Variants in DHX16 observed in about 807,000 individuals in gnomAD.
The protein encoded by DHX16 is DEAH-box helicase 16, also known as pre-mRNA-splicing factor ATP-dependent RNA helicase DHX16.
In DHX16, 81 loss-of-function variants were observed where a neutral mutation model predicts 131.2. The ratio of observed to expected loss-of-function variants is 0.62; its 90% CI spans 0.52 to 0.74. The LOEUF (loss-of-function observed/expected upper bound fraction) is 0.74, where lower values mean the gene tolerates loss of function less well. Among genes scored for constraint, DHX16 ranks in the 30% least tolerant of loss-of-function variants. The pLI, the probability that DHX16 is intolerant of heterozygous loss-of-function variation, is 0.00. For synonymous variants in DHX16, 440 were observed against 520.2 expected (o/e 0.85, Z 2.10); for missense variants, 980 against 1,363.1 (o/e 0.72, Z 4.43).
intron 12 of DHX16, among the ~76,000 whole-genome samples, chr6:30,659,193 A>G (rs1037185081): frequency 6.6e-5 from 10 of 152,058 alleles, no homozygotes; most frequent in East Asian, 1.9e-4. Context: ...GACCTCAGAC[A>G]TTTCTCTTAA....
At chr6:30,663,422 T>C (rs1354336536) in intron 7 of DHX16, among the ~76,000 whole-genome samples, 1 of 150,558 alleles carries the variant, frequency 6.6e-6, no homozygotes, top group Non-Finnish European at 1.5e-5. Context: ...GACAAAAAAA[T>C]TAAAAATTCA....
At position 30,672,851 on chromosome 6, in the gene DHX16, C is replaced by A; in HGVS notation, c.-10G>T. The A allele has an allele frequency of 6.2e-7, 1 of 1,612,064 alleles. No homozygotes were observed. The highest frequency in any genetic ancestry group is 1.1e-5 in the South Asian group (1 of 91,012). ...CCGCCGGCGTCGCCATGGCGACTCACGCTCCCTGCTCCCGGCCCTGAAGCG... is the reference window on the plus strand; with the variant it reads ...CCGCCGGCGTCGCCATGGCGACTCAAGCTCCCTGCTCCCGGCCCTGAAGCG... On this transcript the variant is annotated 5_prime_UTR_variant, in exon 1 of 20. Transcript: ENST00000376442.
At chr6:30,655,043 C>G in intron 18 of DHX16, 132 bp downstream of exon 18, 1 of 1,429,120 alleles carries the variant, frequency 7.0e-7, no homozygotes, top group Non-Finnish European at 9.6e-7. Flanking sequence ...AGAAAGGGCC[C>G]TGGGAGGACA....
At position 30,665,331 on chromosome 6, in the gene DHX16, C is replaced by A. The variant is rs1768937971; in HGVS notation, c.922-57G>T. 5 of 1,592,586 alleles carry A rather than the reference C, an allele frequency of 3.1e-6. No individual in the cohort carries two copies. In the Admixed American group the frequency reaches 6.7e-5, roughly 21 times the overall value. ...AAACAGGATGTCCTCTCTGCCCTCT[C>A]CCCTCTTCCCATTACTACCCCCGCC... On this transcript the variant is annotated intron_variant, in intron 5 of 19. Transcript: ENST00000376442. This position sits in a 1 kb window ranked among gnomAD's most constrained non-coding sequence, Gnocchi z 4.8.
At chr6:30,668,389 G>A (rs1239494092) in intron 4 of DHX16, among the ~76,000 whole-genome samples, 2 of 152,116 alleles carry the variant, frequency 1.3e-5, no homozygotes, top group Non-Finnish European at 2.9e-5. Context: ...AGTGGCTCAC[G>A]CCTGTAATCT....
At chr6:30,667,543 T>G (rs1769158501) in intron 4 of DHX16, among the ~76,000 whole-genome samples, 1 of 149,610 alleles carries the variant, frequency 6.7e-6, no homozygotes, top group Non-Finnish European at 1.5e-5. Context: ...GATCGCACCG[T>G]TGCACTCCAG....
chr6:30,663,645 T>A (rs1211155285), intron 7 of DHX16, among the ~76,000 whole-genome samples: 6 of 141,762 alleles, frequency 4.2e-5, no homozygotes, highest in African/African-American at 1.1e-4. Context: ...CGCTTGAACC[T>A]GGGAGACAGA....
rs1419599483 is a variant in DHX16, at chr6:30,670,912, C to T, written c.487G>A (p.Glu163Lys). 1.2e-6 allele frequency: 2 copies of T among 1,612,982 alleles called. No homozygotes were observed. The highest frequency in any genetic ancestry group is 2.2e-5 in the East Asian group (1 of 44,898). ...CGTTCACGCTCTGTCCGTTCCCACT[C>T]ATCTTCCGACTCTGGCTTCTCTGTC... Reference protein sequence around the residue: ...QQTEKPESEDEWERTERERLQ... With the variant: ...QQTEKPESEDKWERTERERLQ... The change falls in exon 3 of 20, where the codon GAG becomes AAG. Residue 163 changes from glutamate to lysine, a missense_variant. Transcript: ENST00000376442. This position sits in a 1 kb window ranked among gnomAD's most constrained non-coding sequence, Gnocchi z 4.4.
At chr6:30,655,637 A>G in intron 16 of DHX16, 40 bp from the exon 17 acceptor site, 2 of 1,607,306 alleles carry the variant, frequency 1.2e-6, no homozygotes, top group South Asian at 2.2e-5. Context: ...AAAGCAAGAC[A>G]CATAGGAACA....
chr6:30,667,300 C>T (rs575406497), intron 4 of DHX16, among the ~76,000 whole-genome samples: 3 of 152,074 alleles, frequency 2.0e-5, no homozygotes, highest in Admixed American at 1.3e-4. Flanking sequence ...ATCACCATTT[C>T]GGCCGGGCGC....
chr6:30,653,205 A>G lies in DHX16; in HGVS notation c.*37T>C, dbSNP rs979430700. 4 of 1,594,118 alleles carry G rather than the reference A, an allele frequency of 2.5e-6. No homozygotes were observed. Among genetic ancestry groups the G allele is most frequent in the Non-Finnish European group, 3.4e-6 (4 of 1,174,674 alleles). On this transcript the variant is annotated 3_prime_UTR_variant, in exon 20 of 20. Transcript: ENST00000376442. ...AGGTATTAAATAATGTATAGAAGGA[A>G]AAGGAGCTGGTGTCAGGTTCTGTTT...
chr6:30,662,374 C>CACA lies in DHX16; in HGVS notation c.1544+250_1544+252dup, dbSNP rs1447513467. 6.6e-6 allele frequency among the ~76,000 whole-genome samples: 1 copy of CACA among 152,218 alleles called. No homozygotes were observed. The highest frequency in any genetic ancestry group is 1.9e-4 in the East Asian group (1 of 5,192). ...ATTCCAAGTGTTTTCAAATGGTCTT[C>CACA]ACACGGTATTTCAAGTCTCGGCAGC... On this transcript the variant is annotated intron_variant, in intron 9 of 19. Coordinates refer to ENST00000376442, the MANE Select transcript of DHX16 (RefSeq NM_003587.5). The surrounding 1 kb of genome is among the most constrained non-coding windows in gnomAD (Gnocchi z 4.7).
In DHX16 at chr6:30,671,226, C is replaced by T. The variant is rs1008551246; in HGVS notation, c.256G>A (p.Glu86Lys). Residue 86 changes from glutamate to lysine, a missense_variant, in exon 2 of 20, where the codon GAG (glutamate) becomes AAG (lysine). Physicochemically the swap from Glu to Lys is moderately conservative, Grantham distance 56. Coordinates refer to ENST00000376442, the MANE Select transcript of DHX16 (RefSeq NM_003587.5). ...TTCTTCTCCAGCAGGGCCCGGGCCT[C>T]TCGCTCTGCTGCCCGAGCTGGCTTT... is the stretch of plus-strand genomic sequence containing the variant. ...VEKPARAAEREARALLEKNRS... is the reference protein window; with the variant it reads ...VEKPARAAERKARALLEKNRS... 2 of 1,613,056 alleles carry T rather than the reference C, an allele frequency of 1.2e-6. No individual in the cohort carries two copies. The highest frequency in any genetic ancestry group is 1.7e-4 in the Middle Eastern group (1 of 6,060).
At chr6:30,669,841 C>A (rs56276623) in intron 4 of DHX16, among the ~76,000 whole-genome samples, 4 of 151,354 alleles carry the variant, frequency 2.6e-5, no homozygotes, top group Non-Finnish European at 5.9e-5. Context: ...CAAGACCAGG[C>A]CTTTGGAAAA....
At chr6:30,654,613 A>G in intron 19 of DHX16, 93 bp downstream of exon 19, 1 of 1,261,864 alleles carries the variant, frequency 7.9e-7, no homozygotes, top group Non-Finnish European at 1.1e-6. Flanking sequence ...TTTCTGTACC[A>G]GTCCCAGCAA....
In DHX16 at chr6:30,656,473, G is replaced by A; in HGVS notation, c.2348C>T (p.Pro783Leu). 1 of 1,614,206 alleles carries A rather than the reference G, an allele frequency of 6.2e-7. No individual in the cohort carries two copies. The highest frequency in any genetic ancestry group is 8.5e-7 in the Non-Finnish European group (1 of 1,180,040). Reference protein sequence around the residue: ...HDLMHFDFLDPPPYETLLLAL... With the variant: ...HDLMHFDFLDLPPYETLLLAL... ...CAGCAGCAGTGTCTCATATGGTGGA[G>A]GGTCCAGGAAATCAAAGTGCATTAG... The change falls in exon 15 of 20, where the codon CCT becomes CTT. Residue 783 changes from proline (P) to leucine (L), a missense_variant. By Grantham distance (98) the Pro-to-Leu change is moderately conservative. Transcript: ENST00000376442. The surrounding 1 kb of genome is among the most constrained non-coding windows in gnomAD (Gnocchi z 5.1).
At chr6:30,667,351 G>A (rs1422865928) in intron 4 of DHX16, among the ~76,000 whole-genome samples, 1 of 152,094 alleles carries the variant, frequency 6.6e-6, no homozygotes, top group East Asian at 1.9e-4. Flanking sequence ...GGGAGGCTGA[G>A]GCAAGAGGAT....
At chr6:30,657,945 T>A (rs980312689) in intron 12 of DHX16, among the ~76,000 whole-genome samples, 1 of 152,234 alleles carries the variant, frequency 6.6e-6, no homozygotes, top group Non-Finnish European at 1.5e-5. Context: ...ATCCACTGCT[T>A]CCCCGATAGA....
At chr6:30,658,542 C>CAA (rs538072025) in intron 12 of DHX16, among the ~76,000 whole-genome samples, 9 of 82,086 alleles carry the variant, frequency 1.1e-4, no homozygotes, top group African/African-American at 1.9e-4. Context: ...GACTCCATCT[C>CAA]AAAAAAAAAA....
Sources: gnomAD v4.1 joint callset for allele counts (sites outside exome capture counted in the v4.1 genomes callset) on GRCh38, gnomAD v4.1.1 for gene constraint, Gnocchi (gnomAD v3.1) non-coding constraint, MANE v1.5 for transcripts, NCBI Gene and HGNC (gene_info 2026-07-23, HGNC 2026-07-21) for gene names.